Variants in MLIP observed in about 807,000 individuals in gnomAD.
MLIP encodes muscular LMNA interacting protein.
MLIP carries 79 observed loss-of-function variants against 84.8 expected under a neutral mutation model. The ratio of observed to expected loss-of-function variants is 0.93; its 90% confidence interval spans 0.78 to 1.12. The LOEUF (loss-of-function observed/expected upper bound fraction) is 1.12. MLIP is among the 50% of genes most tolerant of loss of function. The pLI is 0.00. For synonymous variants in MLIP, 504 were observed against 463.0 expected (o/e 1.09, Z -1.14); for missense variants, 1,257 against 1,160.6 (o/e 1.08, Z -1.21).
At chr6:54,123,536 A>C (rs186140138) in intron 2 of MLIP, among the ~76,000 whole-genome samples, 1 of 152,222 alleles carries the variant, frequency 6.6e-6, no homozygotes, top group Non-Finnish European at 1.5e-5. Flanking sequence ...AGTTATATTT[A>C]ATCAGTGATT....
chr6:54,054,430 C>CA (rs60998933), intron 1 of MLIP, among the ~76,000 whole-genome samples: 28,132 of 131,126 alleles, frequency 0.21, 3,099 homozygotes, highest in African/African-American at 0.33. Flanking sequence ...GAAAAAAAGG[C>CA]AAAAAAAAAA....
chr6:54,239,369 T>A (rs941016716), intron 12 of MLIP, among the ~76,000 whole-genome samples: 3 of 145,616 alleles, frequency 2.1e-5, no homozygotes, highest in Non-Finnish European at 3.0e-5. Context: ...ATATATATAA[T>A]ATATATATAT....
At chr6:54,052,936 G>A (rs768450216) in intron 1 of MLIP, among the ~76,000 whole-genome samples, 10 of 152,078 alleles carry the variant, frequency 6.6e-5, no homozygotes, top group Non-Finnish European at 1.3e-4. Context: ...ATTGTAAGAG[G>A]GAGATATGTG....
At chr6:54,165,503 T>C (rs1200099063) in intron 8 of MLIP, among the ~76,000 whole-genome samples, 6 of 151,936 alleles carry the variant, frequency 3.9e-5, no homozygotes, top group Non-Finnish European at 8.8e-5. Flanking sequence ...TTCACCCCAT[T>C]GATCTCCTTA....
intron 1 of MLIP, among the ~76,000 whole-genome samples, chr6:54,091,093 C>A (rs1038735257): frequency 6.6e-6 from 1 of 152,050 alleles, no homozygotes; most frequent in Non-Finnish European, 1.5e-5. Context: ...AGGAGCACAC[C>A]TCTCCCACTT....
At chr6:54,035,937 A>G (rs933358479) in intron 1 of MLIP, among the ~76,000 whole-genome samples, 1 of 152,010 alleles carries the variant, frequency 6.6e-6, no homozygotes, top group Admixed American at 6.6e-5. Flanking sequence ...CATCCTCTTA[A>G]CAGAATATTT....
intron 3 of MLIP, among the ~76,000 whole-genome samples, chr6:54,127,895 C>CA (rs1438638720): frequency 3.3e-5 from 5 of 152,166 alleles, no homozygotes; most frequent in African/African-American, 1.2e-4. Flanking sequence ...CTTGAATGTT[C>CA]ATGTAAAAGT....
intron 10 of MLIP, among the ~76,000 whole-genome samples, chr6:54,196,356 A>G (rs1422813986): frequency 2.0e-5 from 3 of 152,216 alleles, no homozygotes; most frequent in South Asian, 2.1e-4. Context: ...CGCCCACAAC[A>G]GGCCTCTGTG....
chr6:54,215,419 A>G lies in MLIP; in HGVS notation c.2718+13186A>G, dbSNP rs144266107. ...GAACCCATACTAATAAGTATTTGTG[A>G]TTTTTTTAAAAGTATAATTTCTTTA... On this transcript the variant is annotated intron_variant, in intron 11 of 13. Coordinates refer to ENST00000502396, the MANE Select transcript of MLIP (RefSeq NM_001281747.2). 4 of 1,229,630 alleles carry G rather than the reference A, an allele frequency of 3.3e-6. No homozygotes were observed. The African/African-American group carries it at 6.2e-5, about 19-fold the overall frequency. The allele number at this position is 1,229,630 out of a possible 1,614,324, so 76.2% of individuals were successfully genotyped here. A position where few individuals can be genotyped will look rare whatever the true frequency, so the allele number is the denominator to read the frequency against.
chr6:54,210,137 TCACCG>T (rs368113481), intron 11 of MLIP, among the ~76,000 whole-genome samples: 420 of 151,546 alleles, frequency 2.8e-3, no homozygotes, highest in African/African-American at 9.4e-3. Context: ...CCACCTCACC[TCACCG>T]CACCGCACCG....
chr6:54,240,427 C>T (rs763989559), intron 12 of MLIP, among the ~76,000 whole-genome samples: 2 of 152,100 alleles, frequency 1.3e-5, no homozygotes, highest in African/African-American at 2.4e-5. Context: ...CTCTTCTTTC[C>T]TTTCTGCCCC....
In MLIP at chr6:54,121,543, A is replaced by T; in HGVS notation, c.193A>T (p.Lys65Ter). The change falls in exon 2 of 14, where the codon AAA becomes TAA. Residue 65 changes from lysine to a stop codon, truncating the protein, a stop_gained. Transcript: ENST00000502396. LOFTEE classifies it high-confidence loss of function. The stretch of plus-strand genomic sequence containing the variant: ...CCATACTCAGTTGGCTGACACCTCT[A>T]AATTCCTTGTTAAAATTCCAGAAGA... The part of the protein sequence containing the change: ...PTHTQLADTS[K>*]FLVKIPEESS... 6.2e-7 allele frequency: 1 copy of T among 1,613,944 alleles called. No homozygotes were observed. Among genetic ancestry groups the T allele is most frequent in the East Asian group, 2.2e-5 (1 of 44,870 alleles).
chr6:54,085,854 A>T (rs1359690366), intron 1 of MLIP, among the ~76,000 whole-genome samples: 1 of 152,158 alleles, frequency 6.6e-6, no homozygotes, highest in Non-Finnish European at 1.5e-5. Context: ...TTATTTTCCC[A>T]GAGCAGTCTC....
At chr6:54,200,151 C>T in intron 10 of MLIP, among the ~76,000 whole-genome samples, 1 of 152,122 alleles carries the variant, frequency 6.6e-6, no homozygotes, top group East Asian at 1.9e-4. Context: ...CTTCTGATGT[C>T]ACCCTGGAAA....
At chr6:54,172,761 T>C (rs1201188830) in intron 9 of MLIP, among the ~76,000 whole-genome samples, 1 of 151,584 alleles carries the variant, frequency 6.6e-6, no homozygotes, top group Non-Finnish European at 1.5e-5. Context: ...TAATGTTTCT[T>C]TCTTTGGGTC....
intron 10 of MLIP, among the ~76,000 whole-genome samples, chr6:54,201,084 G>A (rs781575442): frequency 9.9e-5 from 15 of 152,282 alleles, no homozygotes; most frequent in Non-Finnish European, 1.6e-4. Flanking sequence ...TTTTGCAAAC[G>A]TCAATCTTTC....
At chr6:54,254,763 C>CCTTCCTTCCTTCCTTA (rs2150886769) in intron 12 of MLIP, among the ~76,000 whole-genome samples, 1 of 139,348 alleles carries the variant, frequency 7.2e-6, no homozygotes, top group African/African-American at 2.8e-5. Flanking sequence ...TTCCTTCCTT[C>CCTTCCTTCCTTCCTTA]CTTCCCTTCC....
At chr6:54,241,926 C>T (rs1363889279) in intron 12 of MLIP, among the ~76,000 whole-genome samples, 7 of 152,076 alleles carry the variant, frequency 4.6e-5, no homozygotes, top group Admixed American at 4.6e-4. Context: ...TATAATAAGG[C>T]AAGGGAGAAT....
chr6:54,089,870 G>T (rs950105536), intron 1 of MLIP, among the ~76,000 whole-genome samples: 2 of 152,184 alleles, frequency 1.3e-5, no homozygotes, highest in Middle Eastern at 6.8e-3. Context: ...AATGAAATTG[G>T]ACTTGATTTA....
Sources: gnomAD v4.1 joint callset for allele counts (sites outside exome capture counted in the v4.1 genomes callset) on GRCh38, gnomAD v4.1.1 for gene constraint, MANE v1.5 for transcripts, NCBI Gene and HGNC (gene_info 2026-07-23, HGNC 2026-07-21) for gene names.